The following FLT1 variants were observed in gnomAD, a reference collection of about 807,000 sequenced individuals.
FLT1 encodes vascular endothelial growth factor receptor 1.
Under a neutral mutation model 156.3 loss-of-function variants are expected in FLT1, and 49 were observed. The ratio of observed to expected loss-of-function variants is 0.31; its 90% CI spans 0.25 to 0.40. The LOEUF is 0.40. Ranked by LOEUF, FLT1 falls within the 10% of genes least tolerant of loss-of-function variation. The pLI is 1.00. For missense variants in FLT1, 1,322 were observed against 1,637.2 expected (o/e 0.81, Z 3.32); for synonymous variants, 594 against 583.8 (o/e 1.02, Z -0.25).
Position 28,384,907 on chromosome 13 carries a change from G to A in FLT1, c.2094C>T (p.Asn698=). The A allele has an allele frequency of 6.2e-7, 1 of 1,614,126 alleles. No individual in the cohort carries two copies. The highest frequency in any genetic ancestry group is 8.5e-7 in the Non-Finnish European group (1 of 1,179,998). Reference sequence around the variant, plus strand: ...TACCAGGCTCTTGTTGTATTTTGTGGTTGTTTTTAAACCAAGTGATCTGAG... The same window carrying A: ...TACCAGGCTCTTGTTGTATTTTGTGATTGTTTTTAAACCAAGTGATCTGAG... The part of the protein sequence containing the change: ...PEPQITWFKN[N]HKIQQEPGII... The change falls in exon 14 of 30, where the codon AAC becomes AAT. Residue 698 remains asparagine (N), a synonymous_variant. Transcript: ENST00000282397.
At position 28,334,111 on chromosome 13, in the gene FLT1, C is replaced by T; in HGVS notation, c.2507G>A (p.Gly836Glu). ...TGCTTGAACCACTTTTCCAAAAGCC[C>T]CTCTTCCAAGTGATTTGCCTGTAAT... ...RLKLGKSLGR[G>E]AFGKVVQASA... The change falls in exon 18 of 30, where the codon GGG (glycine) becomes GAG (glutamate). Residue 836 changes from glycine (G) to glutamate (E), a missense_variant. Gly to Glu is a moderately conservative substitution (Grantham distance 98). This residue lies in a region of FLT1 where 991 missense variants were observed against 1,254.8 expected (regional missense o/e 0.79). Transcript: ENST00000282397. 1 of 1,613,046 alleles carries T rather than the reference C, an allele frequency of 6.2e-7. No homozygotes were observed.
chr13:28,433,952 T>G lies in FLT1; in HGVS notation c.680A>C (p.Asn227Thr). Residue 227 changes from asparagine to threonine, a missense_variant, in exon 6 of 30, where the codon AAT becomes ACT. Transcript: ENST00000282397. ...KTNYLTHRQT[N>T]TIIDVQISTP... is the part of the protein sequence containing the mutation. ...GCTTATTTGGACATCTATGATTGTATTGGCTGCAAGCATAAGAGAGAAATT... is the reference window on the plus strand; with the variant it reads ...GCTTATTTGGACATCTATGATTGTAGTGGCTGCAAGCATAAGAGAGAAATT... 1.2e-6 allele frequency: 2 copies of G among 1,614,138 alleles called. No homozygotes were observed. The highest frequency in any genetic ancestry group is 1.7e-6 in the Non-Finnish European group (2 of 1,179,982).
chr13:28,348,589 A>T (rs957729175), intron 15 of FLT1, among the ~76,000 whole-genome samples: 2 of 151,624 alleles, frequency 1.3e-5, no homozygotes, highest in South Asian at 4.1e-4. Flanking sequence ...TGCTTTACCT[A>T]CCTCTAAAGA....
In FLT1 at chr13:28,385,487, G is replaced by A. The variant is rs1161175200; in HGVS notation, c.1970-456C>T. The A allele has an allele frequency of 2.3e-5, 23 of 1,007,912 alleles. No homozygotes were observed. In the East Asian group the frequency reaches 2.4e-4, roughly 10 times the overall value. 62.4% of individuals were successfully genotyped at this position (1,007,912 alleles called of 1,614,324 possible). A position where few individuals can be genotyped will look rare whatever the true frequency, so the allele number is the denominator to read the frequency against. ...TTTTGATTGATGTATTTGTGGGGGC[G>A]TGTTTGTGTTACTCAACTGTCAGTA... On this transcript the variant is annotated intron_variant, in intron 13 of 29. Coordinates refer to ENST00000282397, the MANE Select transcript of FLT1 (RefSeq NM_002019.4).
rs998147193 is a variant in FLT1 at position 28,301,186 on chromosome 13, A to G, written c.*1981T>C. ...TATCTGATTTGGAAAAAAAAAAAAAAGTAGAGAATTGACTGAGGTCTTCTT... is the reference window on the plus strand; with the variant it reads ...TATCTGATTTGGAAAAAAAAAAAAAGGTAGAGAATTGACTGAGGTCTTCTT... On this transcript the variant is annotated 3_prime_UTR_variant, in exon 30 of 30. Transcript: ENST00000282397. 7.3e-5 allele frequency: 17 copies of G among 231,640 alleles called. No homozygotes were observed. Among genetic ancestry groups the G allele is most frequent in the Non-Finnish European group, 1.3e-4 (15 of 117,580 alleles). 14.3% of individuals were successfully genotyped at this position (231,640 alleles called of 1,614,324 possible).
chr13:28,494,692 C>A (rs1252247109), intron 1 of FLT1, 88 bp downstream of exon 1: 6 of 1,021,722 alleles, frequency 5.9e-6, no homozygotes, highest in East Asian at 2.7e-5. Context: ...CGTCTCCCCG[C>A]GTGCACCCCG....
intron 11 of FLT1, among the ~76,000 whole-genome samples, chr13:28,398,563 C>G (rs1365051454): frequency 6.6e-6 from 1 of 152,214 alleles, no homozygotes; most frequent in East Asian, 1.9e-4. Context: ...ATTCATTGGT[C>G]CAAATTCTCT....
chr13:28,389,596 C>T (rs1489260764), intron 13 of FLT1, 200 bp downstream of exon 13: 4 of 1,453,136 alleles, frequency 2.8e-6, no homozygotes, highest in South Asian at 1.5e-5. Flanking sequence ...CTGCTATCAT[C>T]TCCGAACTCA....
intron 2 of FLT1, 57 bp downstream of exon 2, chr13:28,467,464 A>T: frequency 8.8e-7 from 1 of 1,138,532 alleles, no homozygotes; most frequent in Non-Finnish European, 1.3e-6. Context: ...CTGCCAGGGA[A>T]TGATTTTGCC....
At chr13:28,326,362 T>G (rs1871677899) in intron 20 of FLT1, among the ~76,000 whole-genome samples, 1 of 152,120 alleles carries the variant, frequency 6.6e-6, no homozygotes, top group South Asian at 2.1e-4. Flanking sequence ...CCACACTACA[T>G]GGGTTCATCA....
At chr13:28,321,263 G>A (rs1170046053) in intron 23 of FLT1, among the ~76,000 whole-genome samples, 200 bp downstream of exon 23, 2 of 152,226 alleles carry the variant, frequency 1.3e-5, no homozygotes, top group Admixed American at 1.3e-4. Context: ...CATTAGGGAA[G>A]AGCAGAAGCA....
intron 11 of FLT1, among the ~76,000 whole-genome samples, chr13:28,400,307 CTGT>C (rs1370953017): frequency 3.3e-5 from 5 of 152,262 alleles, no homozygotes; most frequent in African/African-American, 1.2e-4. Context: ...TGCTCTTCAA[CTGT>C]TGTTATGTGG....
At chr13:28,375,172 T>C (rs184319194) in intron 14 of FLT1, among the ~76,000 whole-genome samples, 7 of 152,368 alleles carry the variant, frequency 4.6e-5, no homozygotes. Context: ...CACCTGAATC[T>C]TGCCAATAAA....
intron 29 of FLT1, among the ~76,000 whole-genome samples, chr13:28,303,688 G>A (rs1870616930): frequency 6.6e-6 from 1 of 152,100 alleles, no homozygotes; most frequent in Non-Finnish European, 1.5e-5. Context: ...CTATTCTTGG[G>A]TCAAACAGCT....
At chr13:28,435,704 C>T (rs1593790691) in intron 4 of FLT1, among the ~76,000 whole-genome samples, 1 of 152,300 alleles carries the variant, frequency 6.6e-6, no homozygotes, top group East Asian at 1.9e-4. Context: ...GTCCAGAAGC[C>T]ACTAGTGCCT....
At chr13:28,417,556 C>T (rs775442540) in intron 10 of FLT1, among the ~76,000 whole-genome samples, 6 of 152,112 alleles carry the variant, frequency 3.9e-5, no homozygotes, top group African/African-American at 1.4e-4. Context: ...CATCTAGTCC[C>T]GAGCTTGCCA....
intron 10 of FLT1, among the ~76,000 whole-genome samples, chr13:28,422,105 T>C (rs1877041758): frequency 1.3e-5 from 2 of 152,232 alleles, no homozygotes; most frequent in African/African-American, 4.8e-5. Context: ...TTACACGTGG[T>C]TGGTGCCTAA....
In FLT1 at chr13:28,301,937, A is replaced by T; in HGVS notation, c.*1230T>A. The T allele has an allele frequency of 4.3e-6, 1 of 233,690 alleles. No homozygotes were observed. 14.5% of individuals were successfully genotyped at this position (233,690 alleles called of 1,614,324 possible). ...GAGCTTAAAGTGCTTAATATGCGCCAGCTAATGCTCTTCCACATCCTTTCA... is the reference window on the plus strand; with the variant it reads ...GAGCTTAAAGTGCTTAATATGCGCCTGCTAATGCTCTTCCACATCCTTTCA... On this transcript the variant is annotated 3_prime_UTR_variant, in exon 30 of 30. Transcript: ENST00000282397.
chr13:28,385,644 G>GATT, intron 13 of FLT1: 2 of 1,015,820 alleles, frequency 2.0e-6, no homozygotes, highest in Non-Finnish European at 2.4e-6. Flanking sequence ...CAGAGGCACA[G>GATT]ATTTGTAGTT....
Sources: allele counts gnomAD v4.1 joint callset (sites outside exome capture counted in the v4.1 genomes callset), GRCh38; gene constraint gnomAD v4.1.1; regional missense constraint gnomAD v4.1.1; transcripts MANE v1.5; gene names NCBI Gene and HGNC (gene_info 2026-07-23, HGNC 2026-07-21).